PRIMA1: variants seen among roughly 807,000 people sequenced by gnomAD.
The protein encoded by PRIMA1 is proline rich membrane anchor 1.
In PRIMA1, 7 loss-of-function variants were observed where a neutral mutation model predicts 17.5. The observed-to-expected ratio is 0.40, with a 90% CI of 0.23 to 0.75. PRIMA1 has a LOEUF of 0.75. Among genes scored for constraint, PRIMA1 ranks in the 30% least tolerant of loss-of-function variants. PRIMA1 has a pLI of 0.37. For synonymous variants in PRIMA1, 97 were observed against 77.9 expected (o/e 1.25, Z -1.29); for missense variants, 200 against 201.8 (o/e 0.99, Z 0.05).
At chr14:93,734,848 C>G (rs1185283892) in intron 4 of PRIMA1, among the ~76,000 whole-genome samples, 1 of 151,912 alleles carries the variant, frequency 6.6e-6, no homozygotes, top group African/African-American at 2.4e-5. Context: ...GACCCAGGAG[C>G]CAAGAGCTCA....
intron 3 of PRIMA1, among the ~76,000 whole-genome samples, chr14:93,777,853 CAAG>C (rs1240143587): frequency 6.6e-6 from 1 of 152,146 alleles, no homozygotes; most frequent in African/African-American, 2.4e-5. Context: ...TCAGTGAGCA[CAAG>C]AAGACCTGAA....
intron 2 of PRIMA1, among the ~76,000 whole-genome samples, chr14:93,782,308 A>G (rs1452603826): frequency 6.6e-6 from 1 of 151,828 alleles, no homozygotes; most frequent in African/African-American, 2.4e-5. Flanking sequence ...ACATACATAC[A>G]TAAATACATA....
chr14:93,735,730 C>T (rs1229589521), intron 4 of PRIMA1, among the ~76,000 whole-genome samples: 5 of 147,644 alleles, frequency 3.4e-5, no homozygotes, highest in Non-Finnish European at 5.9e-5. Flanking sequence ...CTCGCTCTGT[C>T]GCCCAGTCTG....
At chr14:93,759,185 G>T (rs2076310732) in intron 3 of PRIMA1, among the ~76,000 whole-genome samples, 1 of 152,176 alleles carries the variant, frequency 6.6e-6, no homozygotes, top group Non-Finnish European at 1.5e-5. Flanking sequence ...AGGCTTGAGG[G>T]CTAAGCAGTT....
intron 3 of PRIMA1, among the ~76,000 whole-genome samples, chr14:93,762,260 C>T (rs1313966886): frequency 6.6e-6 from 1 of 152,182 alleles, no homozygotes; most frequent in Non-Finnish European, 1.5e-5. Flanking sequence ...TCCCACCCGG[C>T]AGATGCATAA....
Position 93,778,142 on chromosome 14 carries a change from C to T in PRIMA1, c.229+1034G>A, listed in dbSNP as rs540831072. On this transcript the variant is annotated intron_variant, in intron 3 of 4. Transcript: ENST00000393140. ...ATCACCTCAGAACCTGTAATTGTGA[C>T]GATTCCCAAGTCTCACCCCAAAAAC... 9.4e-4 allele frequency among the ~76,000 whole-genome samples: 143 copies of T among 152,334 alleles called. 1 individual carries two copies. Among genetic ancestry groups the T allele is most frequent in the Admixed American group, 2.0e-3 (31 of 15,308 alleles).
At chr14:93,748,796 G>C (rs1344500558) in intron 3 of PRIMA1, among the ~76,000 whole-genome samples, 1 of 152,036 alleles carries the variant, frequency 6.6e-6, no homozygotes, top group African/African-American at 2.4e-5. Context: ...CGGCTCCTGA[G>C]GGGACATTAA....
At chr14:93,787,219 G>A (rs1448885246) in intron 2 of PRIMA1, among the ~76,000 whole-genome samples, 1 of 152,218 alleles carries the variant, frequency 6.6e-6, no homozygotes, top group Admixed American at 6.5e-5. Context: ...AAACACGGCT[G>A]CCTTCCGTGT....
intron 3 of PRIMA1, among the ~76,000 whole-genome samples, chr14:93,769,335 G>A (rs190535604): frequency 1.4e-3 from 213 of 152,372 alleles, no homozygotes; most frequent in African/African-American, 4.8e-3. Context: ...AGCTCAGAGA[G>A]GCTGAGTGAC....
At chr14:93,749,957 GATCACCCA>G (rs1242090262) in intron 3 of PRIMA1, among the ~76,000 whole-genome samples, 3 of 152,206 alleles carry the variant, frequency 2.0e-5, no homozygotes, top group African/African-American at 7.2e-5. Context: ...TAGGCGGGCA[GATCACCCA>G]AGGTCAGGAG....
In PRIMA1 at chr14:93,720,332, A is replaced by G. The variant is rs937003100; in HGVS notation, c.*1112T>C. 6.6e-6 allele frequency: 1 copy of G among 152,294 alleles called. No homozygotes were observed. 9.4% of individuals were successfully genotyped at this position (152,294 alleles called of 1,614,324 possible). On this transcript the variant is annotated 3_prime_UTR_variant, in exon 5 of 5. Coordinates refer to ENST00000393140, the MANE Select transcript of PRIMA1 (RefSeq NM_178013.4). ...GTCCCATTTCATCCCTTGATCCTCC[A>G]ACCACGCTGGAGGGCTCAGCGCTTC...
At chr14:93,746,268 A>G (rs1428497721) in intron 3 of PRIMA1, among the ~76,000 whole-genome samples, 2 of 151,882 alleles carry the variant, frequency 1.3e-5, no homozygotes, top group East Asian at 1.9e-4. Context: ...CCTCCTGCAC[A>G]CTGCTGTGTC....
chr14:93,766,950 C>T (rs185261801), intron 3 of PRIMA1, among the ~76,000 whole-genome samples: 122 of 152,208 alleles, frequency 8.0e-4, no homozygotes, highest in African/African-American at 2.5e-3. Flanking sequence ...TGAGACACAG[C>T]GAAAGGACTG....
chr14:93,750,270 C>T (rs1483294390), intron 3 of PRIMA1, among the ~76,000 whole-genome samples: 1 of 152,004 alleles, frequency 6.6e-6, no homozygotes, highest in African/African-American at 2.4e-5. Context: ...TGCTGCACAC[C>T]TGTAGTCCCA....
intron 3 of PRIMA1, among the ~76,000 whole-genome samples, chr14:93,770,381 C>T (rs751745691): frequency 3.3e-4 from 50 of 152,358 alleles, no homozygotes; most frequent in Middle Eastern, 3.4e-3. Flanking sequence ...CTGTGCGGTC[C>T]GGGCACTGCC....
intron 2 of PRIMA1, among the ~76,000 whole-genome samples, chr14:93,781,856 T>C (rs1026247217): frequency 1.3e-5 from 2 of 151,404 alleles, no homozygotes; most frequent in African/African-American, 4.9e-5. Context: ...ACGCCTGTAG[T>C]CCCATCTACT....
chr14:93,751,833 A>G (rs1178144060), intron 3 of PRIMA1, among the ~76,000 whole-genome samples: 1 of 152,250 alleles, frequency 6.6e-6, no homozygotes, highest in Non-Finnish European at 1.5e-5. Context: ...ATCCGTATTG[A>G]CAGTCCAGAG....
chr14:93,741,408 A>C (rs1047487947), intron 3 of PRIMA1, among the ~76,000 whole-genome samples: 5 of 152,138 alleles, frequency 3.3e-5, no homozygotes, highest in Admixed American at 3.3e-4. Flanking sequence ...CTCTTTCTGG[A>C]GGTGCTAAGA....
intron 3 of PRIMA1, among the ~76,000 whole-genome samples, chr14:93,745,716 G>A (rs910021275): frequency 6.6e-6 from 1 of 152,218 alleles, no homozygotes; most frequent in Non-Finnish European, 1.5e-5. Context: ...GGTTATCACG[G>A]TTGTCCCATC....
Sources: allele counts gnomAD v4.1 joint callset (sites outside exome capture counted in the v4.1 genomes callset), GRCh38; gene constraint gnomAD v4.1.1; transcripts MANE v1.5; gene names NCBI Gene and HGNC (gene_info 2026-07-23, HGNC 2026-07-21).